The following DET1 variants were observed in gnomAD, a reference collection of about 807,000 sequenced individuals.
DET1 encodes the protein DET1 partner of COP1 E3 ubiquitin ligase.
Under a neutral mutation model 43.7 loss-of-function variants are expected in DET1, and 22 were observed. The observed-to-expected ratio is 0.50, with a 90% CI of 0.36 to 0.72. DET1 has a LOEUF of 0.72. Among genes scored for constraint, DET1 ranks in the 30% least tolerant of loss-of-function variants. The pLI, the probability that DET1 is intolerant of heterozygous loss-of-function variation, is 0.00. For missense variants in DET1, 713 were observed against 713.3 expected, an observed-to-expected ratio of 1.00 and a Z score of 0.00; for synonymous variants, 315 against 266.2, an observed-to-expected ratio of 1.18 and a Z score of -1.79.
chr15:88,531,305 G>A lies in DET1; in HGVS notation c.401C>T (p.Ala134Val), dbSNP rs751175305. 23 of 1,613,760 alleles carry A rather than the reference G, an allele frequency of 1.4e-5. No homozygotes were observed. The African/African-American group carries it at 1.5e-4, about 10-fold the overall frequency. The change falls in exon 2 of 5, where the codon GCG becomes GTG. Residue 134 changes from alanine to valine, a missense_variant. Coordinates refer to ENST00000268148, the MANE Select transcript of DET1 (RefSeq NM_001144074.3). This position sits in a 1 kb window ranked among gnomAD's most constrained non-coding sequence, Gnocchi z 6.2. Reference protein sequence around the residue: ...FFVLLHITNVAANGEHLNREC... With the variant: ...FFVLLHITNVVANGEHLNREC... ...CCGGTTCAGGTGCTCACCATTGGCC[G>A]CAACATTGGTAATGTGCAGCAGGAC...
At chr15:88,522,315 C>G (rs1198227069) in intron 3 of DET1, among the ~76,000 whole-genome samples, 1 of 152,026 alleles carries the variant, frequency 6.6e-6, no homozygotes, top group African/African-American at 2.4e-5. Flanking sequence ...TATTTCTCCA[C>G]TTTGTGTTCT....
In DET1 at chr15:88,512,785, C is replaced by A; in HGVS notation, c.*166G>T. The A allele has an allele frequency of 2.9e-6, 4 of 1,387,766 alleles. No homozygotes were observed. The highest frequency in any genetic ancestry group is 1.9e-5 in the South Asian group (1 of 53,572). 86.0% of individuals were successfully genotyped at this position (1,387,766 alleles called of 1,614,324 possible). On this transcript the variant is annotated 3_prime_UTR_variant, in exon 5 of 5. Transcript: ENST00000268148. Reference sequence around the variant, plus strand: ...AGTATTGTATACAATTTAAAAATTCCATTAGGTTGAGCCACCCTCACTCCT... The same window carrying A: ...AGTATTGTATACAATTTAAAAATTCAATTAGGTTGAGCCACCCTCACTCCT...
At chr15:88,510,982 C>T (rs1371451367), downstream of DET1, among the ~76,000 whole-genome samples, 1 of 152,000 alleles carries the variant, frequency 6.6e-6, no homozygotes, top group East Asian at 1.9e-4. Flanking sequence ...CCGTGTTAGC[C>T]AGGAAGGTCT....
chr15:88,503,032 G>C (rs2056103878), intron 8 of DET1: 1 of 152,356 alleles, frequency 6.6e-6, no homozygotes, highest in Admixed American at 6.5e-5. Context: ...GGGAGGCCAA[G>C]GCAGGTGGAT....
At chr15:88,527,468 G>A (rs1263912477) in intron 3 of DET1, 131 bp downstream of exon 3, 9 of 749,050 alleles carry the variant, frequency 1.2e-5, no homozygotes, top group Admixed American at 3.5e-5. Flanking sequence ...GAAGAAACAA[G>A]GGGTTATAAT....
intron 1 of DET1, among the ~76,000 whole-genome samples, chr15:88,534,394 C>G (rs1037319314): frequency 2.0e-5 from 3 of 152,118 alleles, no homozygotes; most frequent in Non-Finnish European, 2.9e-5. Context: ...CAATAAAGTA[C>G]CACTGAATGG....
At chr15:88,511,623 T>C, downstream of DET1, 6 of 982,418 alleles carry the variant, frequency 6.1e-6, no homozygotes, top group Non-Finnish European at 7.3e-6. Flanking sequence ...TTGTACTGTA[T>C]TATAATAATC....
downstream of DET1, chr15:88,511,669 T>C (rs2142249504): frequency 1.1e-6 from 1 of 945,084 alleles, no homozygotes; most frequent in East Asian, 1.2e-4. Flanking sequence ...CATCCTGACA[T>C]AGTTTCCACT....
At chr15:88,515,841 C>T (rs2056330902) in intron 4 of DET1, among the ~76,000 whole-genome samples, 1 of 151,858 alleles carries the variant, frequency 6.6e-6, no homozygotes. Context: ...CAGGAGTGGC[C>T]ACGAGCTGGT....
chr15:88,536,212 A>G, intron 1 of DET1: 1 of 681,570 alleles, frequency 1.5e-6, no homozygotes, highest in Non-Finnish European at 2.7e-6. Context: ...GTACCTCCTC[A>G]GAAATCTTCC....
At position 88,531,838 on chromosome 15, in the gene DET1, T is replaced by G. The variant is rs1453235258; in HGVS notation, c.-10-123A>C. 1.1e-6 allele frequency: 1 copy of G among 914,624 alleles called. No homozygotes were observed. Among genetic ancestry groups the G allele is most frequent in the Admixed American group, 2.9e-5 (1 of 34,424 alleles). The allele number at this position is 914,624 out of a possible 1,614,324, so 56.7% of individuals were successfully genotyped here. On this transcript the variant is annotated intron_variant, in intron 1 of 4. Transcript: ENST00000268148. This position sits in a 1 kb window ranked among gnomAD's most constrained non-coding sequence, Gnocchi z 6.2. ...AACCTAGGAGCTCCCAAGATGACAG[T>G]GACTGGCATTACTACTTCCCAGATT...
At chr15:88,524,036 G>C (rs1212179921) in intron 3 of DET1, among the ~76,000 whole-genome samples, 1 of 150,674 alleles carries the variant, frequency 6.6e-6, no homozygotes, top group East Asian at 2.0e-4. Flanking sequence ...GAAGTGAGGA[G>C]CGTCTCTGCC....
intron 2 of DET1, among the ~76,000 whole-genome samples, chr15:88,528,859 C>T (rs2056737636): frequency 1.3e-5 from 2 of 152,326 alleles, no homozygotes; most frequent in Admixed American, 1.3e-4. Flanking sequence ...TTGCAGTCAC[C>T]TGCAAATTAA....
intron 4 of DET1, among the ~76,000 whole-genome samples, chr15:88,513,622 GTT>G (rs34991328): frequency 0.012 from 1,356 of 115,370 alleles, 6 homozygotes; most frequent in Non-Finnish European, 0.017. Context: ...CTATTAGTGA[GTT>G]TTTTTTTTTT....
intron 2 of DET1, among the ~76,000 whole-genome samples, chr15:88,530,384 T>C (rs1357921096): frequency 2.6e-5 from 4 of 152,174 alleles, no homozygotes; most frequent in Admixed American, 6.5e-5. Context: ...GCAGAAGAGT[T>C]AGGGTAGTAA....
At chr15:88,526,530 C>T (rs568600854) in intron 3 of DET1, among the ~76,000 whole-genome samples, 2 of 149,044 alleles carry the variant, frequency 1.3e-5, no homozygotes, top group Non-Finnish European at 2.9e-5. Flanking sequence ...TGTAAAGGGA[C>T]TCCAGGTGTC....
intron 1 of DET1, chr15:88,532,007 A>G (rs529377179): frequency 4.0e-5 from 12 of 296,502 alleles, no homozygotes; most frequent in African/African-American, 2.0e-4. Context: ...TTTGAACAGT[A>G]TAAGACACAT....
At chr15:88,511,925 A>G (rs902776021), downstream of DET1, among the ~76,000 whole-genome samples, 1 of 152,104 alleles carries the variant, frequency 6.6e-6, no homozygotes, top group Non-Finnish European at 1.5e-5. Context: ...CTACCTTCAA[A>G]GTCAGATGTT....
At chr15:88,505,257 C>T (rs573581731) in intron 7 of DET1, 1 of 152,328 alleles carries the variant, frequency 6.6e-6, no homozygotes, top group South Asian at 2.1e-4. Context: ...AAGGATGGGT[C>T]AACTTCTCCT....
Sources: gnomAD v4.1 joint callset for allele counts (sites outside exome capture counted in the v4.1 genomes callset) on GRCh38, gnomAD v4.1.1 for gene constraint, Gnocchi (gnomAD v3.1) non-coding constraint, MANE v1.5 for transcripts, NCBI Gene and HGNC (gene_info 2026-07-23, HGNC 2026-07-21) for gene names.